Variants in ARHGAP6 observed in about 807,000 individuals in gnomAD.
ARHGAP6 encodes Rho GTPase activating protein 6.
In ARHGAP6, 16 loss-of-function variants were observed where a neutral mutation model predicts 55.7. That is an observed-to-expected ratio of 0.29 (90% CI 0.19 to 0.44). ARHGAP6 has a LOEUF of 0.44. Among genes scored for constraint, ARHGAP6 ranks in the 20% least tolerant of loss-of-function variants. The pLI, the probability that ARHGAP6 is intolerant of heterozygous loss-of-function variation, is 1.00. For missense variants in ARHGAP6, 698 were observed against 808.9 expected (o/e 0.86, Z 1.66); for synonymous variants, 382 against 360.9 (o/e 1.06, Z -0.66).
At chrX:11,378,635 G>C (rs1170927238) in intron 1 of ARHGAP6, among the ~76,000 whole-genome samples, 3 of 112,047 alleles carry the variant, frequency 2.7e-5, no homozygotes, top group Admixed American at 1.9e-4. Flanking sequence ...TAAAATCCCT[G>C]TTCCATCATT....
rs2052730191 is a variant in ARHGAP6, at chrX:11,664,269, C to T, written c.560G>A (p.Gly187Glu). Residue 187 changes from glycine to glutamate, a missense_variant, in exon 1 of 13, where the codon GGG becomes GAG. This residue lies in a region of ARHGAP6 where 322 missense variants were observed against 451.1 expected (regional missense o/e 0.71). Transcript: ENST00000337414. Reference sequence around the variant, plus strand: ...GGATTTCCACACGACGTAGGGGTGCCCGCGACTGTCGGGTGGGGACTGGAA... The same window carrying T: ...GGATTTCCACACGACGTAGGGGTGCTCGCGACTGTCGGGTGGGGACTGGAA... ...RKFQSPPDSR[G>E]HPYVVWKSEG... The T allele has an allele frequency of 8.3e-7, 1 of 1,209,387 alleles. No individual in the cohort carries two copies. The highest frequency in any genetic ancestry group is 1.1e-6 in the Non-Finnish European group (1 of 894,604).
At chrX:11,428,584 T>C (rs950183520) in intron 1 of ARHGAP6, among the ~76,000 whole-genome samples, 1 of 111,693 alleles carries the variant, frequency 9.0e-6, no homozygotes, top group African/African-American at 3.3e-5. Context: ...AATCAATCAA[T>C]GCAAGCCCCA....
rs2051481399 is a variant in ARHGAP6, at chrX:11,569,051, T to C, written c.588+95190A>G. On this transcript the variant is annotated intron_variant, in intron 1 of 12. Transcript: ENST00000337414. ...ATGAATTGTTTTGTACAGGTGAGCT[T>C]TGAGCAGAGTTATACAGGAAAACAA... 4.5e-5 allele frequency among the ~76,000 whole-genome samples: 5 copies of C among 111,766 alleles called. No homozygotes were observed. The Admixed American group carries it at 4.8e-4, about 11-fold the overall frequency.
intron 1 of ARHGAP6, among the ~76,000 whole-genome samples, chrX:11,584,022 G>A (rs1429146701): frequency 1.8e-5 from 2 of 111,541 alleles, no homozygotes; most frequent in Admixed American, 9.6e-5. Context: ...TACGGAAAAG[G>A]ACTATGCCAA....
intron 1 of ARHGAP6, among the ~76,000 whole-genome samples, chrX:11,575,520 A>G (rs1031944615): frequency 9.0e-5 from 10 of 111,423 alleles, no homozygotes; most frequent in African/African-American, 3.3e-4. Flanking sequence ...AGAGGTTAGA[A>G]AGACAGGTGA....
At chrX:11,324,769 T>G (rs1247085019) in intron 1 of ARHGAP6, among the ~76,000 whole-genome samples, 1 of 112,240 alleles carries the variant, frequency 8.9e-6, no homozygotes, top group Non-Finnish European at 1.9e-5. Flanking sequence ...AGTTTCTATT[T>G]ATTATTTCTT....
At chrX:11,298,485 T>C (rs901083279) in intron 1 of ARHGAP6, 20 of 1,194,706 alleles carry the variant, frequency 1.7e-5, no homozygotes, top group African/African-American at 3.5e-5. Context: ...AAGAAAACAC[T>C]GCTGCTTCTC....
chrX:11,402,284 A>G (rs183802080), intron 1 of ARHGAP6, among the ~76,000 whole-genome samples: 1 of 112,105 alleles, frequency 8.9e-6, no homozygotes, highest in Admixed American at 9.5e-5. Context: ...AACAAATGAG[A>G]ACAATTCAAA....
At chrX:11,413,057 A>C in intron 1 of ARHGAP6, among the ~76,000 whole-genome samples, 1 of 112,066 alleles carries the variant, frequency 8.9e-6, no homozygotes, top group Non-Finnish European at 1.9e-5. Flanking sequence ...TCTATTTTCA[A>C]CTGGAATTTC....
At chrX:11,663,113 G>A (rs945044287) in intron 1 of ARHGAP6, among the ~76,000 whole-genome samples, 3 of 112,333 alleles carry the variant, frequency 2.7e-5, no homozygotes, top group Non-Finnish European at 3.8e-5. Flanking sequence ...TTAATAATAT[G>A]TGATGCTAAT....
At position 11,360,491 on chromosome X, in the gene ARHGAP6, T is replaced by C. The variant is rs369099871; in HGVS notation, c.589-105784A>G. Among the ~76,000 whole-genome samples the C allele has an allele frequency of 2.1e-4, 23 of 109,464 alleles. 1 individual carries two copies. The highest frequency in any genetic ancestry group is 1.4e-3 in the Admixed American group (15 of 10,348). On this transcript the variant is annotated intron_variant, in intron 1 of 12. Transcript: ENST00000337414. Reference sequence around the variant, plus strand: ...CCAAAAACTCTCAATAAATTAGGTATTGATGGGACGTATCTCAAAATAATA... The same window carrying C: ...CCAAAAACTCTCAATAAATTAGGTACTGATGGGACGTATCTCAAAATAATA...
At chrX:11,508,667 T>G (rs2050756268) in intron 1 of ARHGAP6, among the ~76,000 whole-genome samples, 1 of 109,796 alleles carries the variant, frequency 9.1e-6, no homozygotes, top group South Asian at 3.9e-4. Context: ...TTCTGCAATA[T>G]GCTCACCTCT....
chrX:11,344,678 C>CAAAAAAAAAAAAAAAAAAAAAAAAAAAAA, intron 1 of ARHGAP6, among the ~76,000 whole-genome samples: 1 of 28,271 alleles, frequency 3.5e-5, no homozygotes. Context: ...AACTCCATCA[C>CAAAAAAAAAAAAAAAAAAAAAAAAAAAAA]AAAAAAAAAA....
chrX:11,455,195 C>G (rs965111916), intron 1 of ARHGAP6, among the ~76,000 whole-genome samples: 2 of 112,214 alleles, frequency 1.8e-5, no homozygotes, highest in Non-Finnish European at 3.8e-5. Context: ...AAAATAACCA[C>G]AGGAAGAAAT....
chrX:11,452,110 A>G (rs957247239), intron 1 of ARHGAP6, among the ~76,000 whole-genome samples: 3 of 112,473 alleles, frequency 2.7e-5, no homozygotes, highest in African/African-American at 9.7e-5. Flanking sequence ...TTAGATGTCT[A>G]TTATGGACTA....
In ARHGAP6 at chrX:11,646,461, T is replaced by TA. The variant is rs1234604893; in HGVS notation, c.588+17779dup. On this transcript the variant is annotated intron_variant, in intron 1 of 12. Coordinates refer to ENST00000337414, the MANE Select transcript of ARHGAP6 (RefSeq NM_013427.3). ...ACAGAATATAAACGCTGAGGAACAA[T>TA]AAGAAATGTGTTCAAGATTCCAAGG... 2.7e-5 allele frequency among the ~76,000 whole-genome samples: 3 copies of TA among 111,267 alleles called. No individual in the cohort carries two copies. In the East Asian group the frequency reaches 8.5e-4, roughly 32 times the overall value.
chrX:11,521,780 C>T (rs1461499893), intron 1 of ARHGAP6, among the ~76,000 whole-genome samples: 5 of 110,996 alleles, frequency 4.5e-5, no homozygotes, highest in Admixed American at 9.7e-5. Flanking sequence ...TTGATTCTTC[C>T]TACCCATGAG....
At chrX:11,664,045 A>G (rs2052727582) in intron 1 of ARHGAP6, among the ~76,000 whole-genome samples, 196 bp downstream of exon 1, 1 of 112,822 alleles carries the variant, frequency 8.9e-6, no homozygotes. Flanking sequence ...CAAGTCCTAC[A>G]AGACGCACAA....
intron 9 of ARHGAP6, 34 bp from the exon 10 acceptor site, chrX:11,156,660 C>G (rs1170809672): frequency 9.1e-7 from 1 of 1,096,029 alleles, no homozygotes; most frequent in Admixed American, 2.3e-5. Flanking sequence ...ATAAATAAAA[C>G]CATTCCAGAA....
Sources: allele counts gnomAD v4.1 joint callset (sites outside exome capture counted in the v4.1 genomes callset), GRCh38; gene constraint gnomAD v4.1.1; regional missense constraint gnomAD v4.1.1; transcripts MANE v1.5; gene names NCBI Gene and HGNC (gene_info 2026-07-23, HGNC 2026-07-21).